The following FOCAD variants were observed in gnomAD, a reference collection of about 807,000 sequenced individuals.
FOCAD encodes the protein focadhesin.
In FOCAD, 198 loss-of-function variants were observed where a neutral mutation model predicts 225.6. The observed-to-expected ratio is 0.88, with a 90% CI of 0.78 to 0.99. The LOEUF (loss-of-function observed/expected upper bound fraction) is 0.99. Among genes scored for constraint, FOCAD ranks in the 50% least tolerant of loss-of-function variants. The pLI, the probability that FOCAD is intolerant of heterozygous loss-of-function variation, is 0.00. For synonymous variants in FOCAD, 897 were observed against 755.0 expected (o/e 1.19, Z -3.08); for missense variants, 2,713 against 2,123.6 (o/e 1.28, Z -5.46).
intron 11 of FOCAD, among the ~76,000 whole-genome samples, chr9:20,805,242 C>T (rs540826949): frequency 6.6e-6 from 1 of 152,248 alleles, no homozygotes; most frequent in South Asian, 2.1e-4. Flanking sequence ...TGCATGGCAA[C>T]CATACTGAAC....
In FOCAD at chr9:20,916,930, G is replaced by C. The variant is rs1434709805; in HGVS notation, c.2845G>C (p.Ala949Pro). The change falls in exon 24 of 44, where the codon GCT becomes CCT. Residue 949 changes from alanine to proline, a missense_variant. Coordinates refer to ENST00000338382, the MANE Select transcript of FOCAD (RefSeq NM_001375567.1). Reference protein sequence around the residue: ...DMLTDEITKAAAKESPVVKGN... With the variant: ...DMLTDEITKAPAKESPVVKGN... ...GCTGACTGATGAGATCACCAAGGCA[G>C]CTGCAAAGTAAGATCCATTTAGTCT... 6.2e-7 allele frequency: 1 copy of C among 1,602,278 alleles called. No individual in the cohort carries two copies. Among genetic ancestry groups the C allele is most frequent in the South Asian group, 1.1e-5 (1 of 88,084 alleles).
intron 32 of FOCAD, 72 bp from the exon 33 acceptor site, chr9:20,949,532 A>G: frequency 2.1e-6 from 2 of 951,088 alleles, no homozygotes; most frequent in South Asian, 1.3e-5. Flanking sequence ...TGGATAGCTC[A>G]TGCACCGGGA....
chr9:20,816,070 A>G (rs1477207067), intron 11 of FOCAD, among the ~76,000 whole-genome samples: 2 of 151,764 alleles, frequency 1.3e-5, no homozygotes, highest in Non-Finnish European at 2.9e-5. Flanking sequence ...TTCTTTTTTC[A>G]TTTCTGAACT....
chr9:20,888,848 T>G (rs1831356659), intron 21 of FOCAD, among the ~76,000 whole-genome samples: 1 of 152,174 alleles, frequency 6.6e-6, no homozygotes, highest in Non-Finnish European at 1.5e-5. Context: ...CGCTCCTCCT[T>G]GCTTTCTGCC....
At position 20,970,239 on chromosome 9, in the gene FOCAD, T is replaced by C. The variant is rs74361479; in HGVS notation, c.4133-6181T>C. On this transcript the variant is annotated intron_variant, in intron 35 of 43. Coordinates refer to ENST00000338382, the MANE Select transcript of FOCAD (RefSeq NM_001375567.1). ...CTTCTTGAATGTATGGATTTGTGTC[T>C]TTTTTATTAAATTGGAGAAGTTTTA... 5.3e-3 allele frequency among the ~76,000 whole-genome samples: 808 copies of C among 152,228 alleles called. 10 individuals carry two copies. The highest frequency in any genetic ancestry group is 0.019 in the African/African-American group (778 of 41,538).
chr9:20,669,555 A>G (rs1030902742), intron 2 of FOCAD, among the ~76,000 whole-genome samples: 10 of 152,296 alleles, frequency 6.6e-5, no homozygotes, highest in Admixed American at 6.5e-4. Flanking sequence ...CGGGCAGATC[A>G]CTTGAGATCA....
intron 23 of FOCAD, among the ~76,000 whole-genome samples, chr9:20,913,251 A>T (rs1403399435): frequency 1.3e-5 from 2 of 151,594 alleles, no homozygotes; most frequent in Non-Finnish European, 2.9e-5. Flanking sequence ...TGATTATTTT[A>T]TATGCTTTTG....
intron 15 of FOCAD, among the ~76,000 whole-genome samples, chr9:20,860,689 T>C (rs1341978482): frequency 1.3e-5 from 2 of 152,186 alleles, no homozygotes; most frequent in Non-Finnish European, 2.9e-5. Context: ...TTTTATACTT[T>C]TAGTAGAGAC....
At chr9:20,957,733 G>A (rs1471393463) in intron 35 of FOCAD, 1 of 126,160 alleles carries the variant, frequency 7.9e-6, no homozygotes, top group Non-Finnish European at 1.6e-5. Flanking sequence ...GGCCAGGCTG[G>A]TCTTGAACTC....
intron 15 of FOCAD, among the ~76,000 whole-genome samples, chr9:20,836,275 G>T (rs1480516829): frequency 6.6e-6 from 1 of 152,062 alleles, no homozygotes; most frequent in Non-Finnish European, 1.5e-5. Context: ...GTGATCCATT[G>T]TCTGATGGCA....
chr9:20,881,099 A>G (rs1830631912), intron 19 of FOCAD, among the ~76,000 whole-genome samples: 1 of 152,238 alleles, frequency 6.6e-6, no homozygotes, highest in African/African-American at 2.4e-5. Flanking sequence ...TTTTAAAATA[A>G]TTGTCCTAAT....
At chr9:20,784,155 G>A (rs1435835427) in intron 10 of FOCAD, among the ~76,000 whole-genome samples, 1 of 152,198 alleles carries the variant, frequency 6.6e-6, no homozygotes, top group Non-Finnish European at 1.5e-5. Flanking sequence ...CTGGTCCACA[G>A]GAAACCACTT....
chr9:20,726,599 G>C (rs1826219062), intron 4 of FOCAD, among the ~76,000 whole-genome samples: 1 of 152,134 alleles, frequency 6.6e-6, no homozygotes, highest in Non-Finnish European at 1.5e-5. Flanking sequence ...ATTTAGCATA[G>C]GATATTAAAA....
At chr9:20,920,695 C>G (rs1367741187) in intron 24 of FOCAD, among the ~76,000 whole-genome samples, 1 of 151,578 alleles carries the variant, frequency 6.6e-6, no homozygotes, top group Non-Finnish European at 1.5e-5. Flanking sequence ...TCATCATTCT[C>G]AGTAAACTAT....
At chr9:20,995,489 G>A (rs1192384263) in intron 43 of FOCAD, 67 bp from the exon 44 acceptor site, 2 of 1,345,490 alleles carry the variant, frequency 1.5e-6, no homozygotes, top group African/African-American at 1.4e-5. Flanking sequence ...GACAAATTCT[G>A]TTCTGACACC....
intron 7 of FOCAD, among the ~76,000 whole-genome samples, chr9:20,769,377 A>T (rs140549072): frequency 3.3e-5 from 5 of 152,204 alleles, no homozygotes; most frequent in African/African-American, 1.2e-4. Flanking sequence ...GGAAATGCCA[A>T]TGTGTCTGTG....
At chr9:20,932,759 C>A (rs764352776) in intron 27 of FOCAD, among the ~76,000 whole-genome samples, 3 of 152,012 alleles carry the variant, frequency 2.0e-5, no homozygotes, top group Non-Finnish European at 2.9e-5. Context: ...TAAGAAAAAT[C>A]AAAAATAGGA....
In FOCAD at chr9:20,803,627, A is replaced by C. The variant is rs549454841; in HGVS notation, c.1455+14019A>C. Among the ~76,000 whole-genome samples, 9 of 152,008 alleles carry C rather than the reference A, an allele frequency of 5.9e-5. No homozygotes were observed. In the South Asian group the frequency reaches 1.0e-3, roughly 18 times the overall value. ...AGGGCTGCTTAGAGGAGTGTACAGGACTCTATTGAAAGAAGCAGGATTCCT... is the reference window on the plus strand; with the variant it reads ...AGGGCTGCTTAGAGGAGTGTACAGGCCTCTATTGAAAGAAGCAGGATTCCT... On this transcript the variant is annotated intron_variant, in intron 11 of 43. Transcript: ENST00000338382.
chr9:20,751,959 T>C (rs1277768030), intron 5 of FOCAD, among the ~76,000 whole-genome samples: 10 of 143,412 alleles, frequency 7.0e-5, no homozygotes, highest in East Asian at 4.1e-4. Flanking sequence ...ATGTTGTCTT[T>C]TGAGAAGTGT....
Sources: allele counts gnomAD v4.1 joint callset (sites outside exome capture counted in the v4.1 genomes callset), GRCh38; gene constraint gnomAD v4.1.1; transcripts MANE v1.5; gene names NCBI Gene and HGNC (gene_info 2026-07-23, HGNC 2026-07-21).